The following PKM variants were observed in gnomAD, a reference collection of about 807,000 sequenced individuals.
The protein encoded by PKM is pyruvate kinase M1/2.
In PKM, 18 loss-of-function variants were observed where a neutral mutation model predicts 49.8. That is an observed-to-expected ratio of 0.36 (90% CI 0.25 to 0.54). The LOEUF is 0.54. Ranked by LOEUF, PKM falls within the 20% of genes least tolerant of loss-of-function variation. PKM has a pLI of 0.89. For missense variants in PKM, 508 were observed against 713.8 expected (o/e 0.71, Z 3.28); for synonymous variants, 239 against 261.8 (o/e 0.91, Z 0.84).
At chr15:72,212,130 T>C (rs1055702602) in intron 3 of PKM, among the ~76,000 whole-genome samples, 9 of 152,186 alleles carry the variant, frequency 5.9e-5, no homozygotes, top group African/African-American at 1.4e-4. Context: ...GGGTTCCTTA[T>C]AAATTATGAT....
chr15:72,230,907 G>T (rs1339756393), intron 1 of PKM: 3 of 1,285,924 alleles, frequency 2.3e-6, no homozygotes, highest in Admixed American at 4.6e-5. Flanking sequence ...CGCCTGATCT[G>T]GAAGGAACGG....
chr15:72,210,537 C>T, intron 3 of PKM, 59 bp from the exon 4 acceptor site: 3 of 1,605,184 alleles, frequency 1.9e-6, no homozygotes, highest in East Asian at 2.2e-5. Flanking sequence ...AGCTCCAATT[C>T]CCCTGCCCAG....
intron 6 of PKM, 110 bp downstream of exon 6, chr15:72,208,511 T>G: frequency 3.6e-6 from 4 of 1,114,700 alleles, no homozygotes; most frequent in Non-Finnish European, 4.1e-6. Flanking sequence ...GGAACTGGCT[T>G]GGGAGTCTAC....
intron 8 of PKM, chr15:72,204,165 C>T (rs1254287465): frequency 2.0e-4 from 30 of 152,196 alleles, no homozygotes; most frequent in Admixed American, 2.0e-3. Flanking sequence ...AGAGCCATAC[C>T]TGGTACTGCT....
chr15:72,221,527 A>C (rs1295465178), intron 1 of PKM, among the ~76,000 whole-genome samples: 1 of 152,008 alleles, frequency 6.6e-6, no homozygotes, highest in Non-Finnish European at 1.5e-5. Context: ...ATATATACTG[A>C]AATTTTAATA....
chr15:72,199,473 C>A lies in PKM; in HGVS notation c.*177G>T, dbSNP rs1449655070. The A allele has an allele frequency of 5.7e-6, 4 of 702,708 alleles. No individual in the cohort carries two copies. In the South Asian group the frequency reaches 6.0e-5, roughly 11 times the overall value. The allele number at this position is 702,708 out of a possible 1,614,324, so 43.5% of individuals were successfully genotyped here. On this transcript the variant is annotated 3_prime_UTR_variant, in exon 11 of 11. Coordinates refer to ENST00000335181, the MANE Select transcript of PKM (RefSeq NM_002654.6). ...GGCAGCCAGGCTCTGGGCTGTCCCACTAGAGCAGGCTGCAAACACAGCCAT... is the reference window on the plus strand; with the variant it reads ...GGCAGCCAGGCTCTGGGCTGTCCCAATAGAGCAGGCTGCAAACACAGCCAT...
chr15:72,222,305 G>C (rs755170126), intron 1 of PKM: 5 of 152,186 alleles, frequency 3.3e-5, no homozygotes, highest in Non-Finnish European at 4.4e-5. Flanking sequence ...TACCCAGCCA[G>C]AGACCTCATA....
Position 72,217,946 on chromosome 15 carries a change from T to A in PKM, c.155-446A>T, listed in dbSNP as rs546170260. Reference sequence around the variant, plus strand: ...GGATTCTTTTTGCAACAAATTATTTTTTATTATAAACTGGTAATTTATAAT... The same window carrying A: ...GGATTCTTTTTGCAACAAATTATTTATTATTATAAACTGGTAATTTATAAT... On this transcript the variant is annotated intron_variant, in intron 2 of 10. Coordinates refer to ENST00000335181, the MANE Select transcript of PKM (RefSeq NM_002654.6). Among the ~76,000 whole-genome samples the A allele has an allele frequency of 6.6e-5, 10 of 152,340 alleles. No homozygotes were observed. In the South Asian group the frequency reaches 1.9e-3, roughly 28 times the overall value.
chr15:72,206,523 T>A, intron 8 of PKM: 1 of 572,294 alleles, frequency 1.7e-6, no homozygotes, highest in Non-Finnish European at 3.1e-6. Context: ...AATGGAGGGG[T>A]GGGGGTGTGG....
Position 72,199,119 on chromosome 15 carries a change from A to T in PKM, c.*531T>A. The T allele has an allele frequency of 3.4e-6, 1 of 298,022 alleles. No individual in the cohort carries two copies. The allele number at this position is 298,022 out of a possible 1,614,324, so 18.5% of individuals were successfully genotyped here. On this transcript the variant is annotated 3_prime_UTR_variant, in exon 11 of 11. Coordinates refer to ENST00000335181, the MANE Select transcript of PKM (RefSeq NM_002654.6). ...AGTAGTGGGGGAAAATGGAAGGTGG[A>T]GGGTGGAGTGTTTGCTGCAGGACAG...
At chr15:72,209,396 A>AATATATATATATATATATATATATATAT (rs1182751717) in intron 5 of PKM, 4 of 78,978 alleles carry the variant, frequency 5.1e-5, no homozygotes, top group African/African-American at 1.8e-4. Flanking sequence ...CAGCGAAACA[A>AATATATATATATATATATATATATATAT]ATATATATAT....
At chr15:72,219,225 C>T in intron 1 of PKM, 115 bp from the exon 2 acceptor site, 2 of 921,904 alleles carry the variant, frequency 2.2e-6, no homozygotes, top group South Asian at 1.6e-5. Flanking sequence ...GCTTTGTACA[C>T]AAGCCACAGG....
At position 72,206,764 on chromosome 15, in the gene PKM, C is replaced by T. The variant is rs1596735343; in HGVS notation, c.1104G>A (p.Gly368=). ...CIMLSGETAK[G]DYPLEAVRMQ... ...TGCGCACAGCCTCCAGAGGATAGTC[C>T]CCTTTGGCTGTTTCTCCAGACAGCA... is the stretch of plus-strand genomic sequence containing the variant. Residue 368 remains glycine (G), a synonymous_variant, in exon 8 of 11, where the codon GGG becomes GGA. Transcript: ENST00000335181. 6.2e-7 allele frequency: 1 copy of T among 1,613,890 alleles called. No homozygotes were observed.
intron 1 of PKM, chr15:72,219,341 A>G: frequency 2.1e-6 from 1 of 481,378 alleles, no homozygotes; most frequent in Non-Finnish European, 3.8e-6. Flanking sequence ...AAAACCTCCC[A>G]CCCACTCCAC....
intron 1 of PKM, among the ~76,000 whole-genome samples, chr15:72,219,810 G>C (rs2140754867): frequency 6.6e-6 from 1 of 152,326 alleles, no homozygotes; most frequent in East Asian, 1.9e-4. Context: ...TACATTAACA[G>C]GATAGTTGCA....
At position 72,199,167 on chromosome 15, in the gene PKM, T is replaced by G. The variant is rs996835095; in HGVS notation, c.*483A>C. 3.0e-6 allele frequency: 1 copy of G among 336,628 alleles called. No homozygotes were observed. Among genetic ancestry groups the G allele is most frequent in the Non-Finnish European group, 5.8e-6 (1 of 171,496 alleles). 20.9% of individuals were successfully genotyped at this position (336,628 alleles called of 1,614,324 possible). A position where few individuals can be genotyped will look rare whatever the true frequency, so the allele number is the denominator to read the frequency against. ...CAGCTGAGTGGAGGGTGGGGACAGG[T>G]GCAAACTGGAGAGGCCTAGAGAGCT... On this transcript the variant is annotated 3_prime_UTR_variant, in exon 11 of 11. Coordinates refer to ENST00000335181, the MANE Select transcript of PKM (RefSeq NM_002654.6).
At chr15:72,229,493 G>A in intron 1 of PKM, 1 of 1,124,310 alleles carries the variant, frequency 8.9e-7, no homozygotes, top group Non-Finnish European at 1.2e-6. Context: ...ACCAGCAAAG[G>A]TCCAAGCCCT....
chr15:72,208,588 G>A (rs369326241), intron 6 of PKM, 33 bp downstream of exon 6: 7 of 1,612,402 alleles, frequency 4.3e-6, no homozygotes, highest in African/African-American at 2.7e-5. Context: ...GGAGAGCTGC[G>A]CTGGGACTGG....
chr15:72,222,307 G>A (rs1348370138), intron 1 of PKM: 9 of 152,160 alleles, frequency 5.9e-5, no homozygotes, highest in Admixed American at 5.2e-4. Context: ...CCCAGCCAGA[G>A]ACCTCATATC....
Sources: allele counts gnomAD v4.1 joint callset (sites outside exome capture counted in the v4.1 genomes callset), GRCh38; gene constraint gnomAD v4.1.1; transcripts MANE v1.5; gene names NCBI Gene and HGNC (gene_info 2026-07-23, HGNC 2026-07-21).